The following VPS37A variants were observed in gnomAD, a reference collection of about 807,000 sequenced individuals.
VPS37A encodes VPS37A subunit of ESCRT-I, also known as vacuolar protein sorting-associated protein 37A.
Under a neutral mutation model 49.8 loss-of-function variants are expected in VPS37A, and 30 were observed. The ratio of observed to expected loss-of-function variants is 0.60; its 90% CI spans 0.45 to 0.82. The LOEUF is 0.82. VPS37A is among the 40% of genes least tolerant of loss of function. The pLI is 0.00. For missense variants in VPS37A, 593 were observed against 464.4 expected, an observed-to-expected ratio of 1.28 and a Z score of -2.55; for synonymous variants, 195 against 160.6, an observed-to-expected ratio of 1.21 and a Z score of -1.62.
chr8:17,330,339 G>A, the VPS37A span, among the ~76,000 whole-genome samples: 3 of 152,188 alleles, frequency 2.0e-5, no homozygotes, highest in African/African-American at 4.8e-5. Flanking sequence ...GCTTTCCCCA[G>A]AAGCGCAGAC....
rs149798415 is a variant in VPS37A at position 17,255,598 on chromosome 8, G to T, written c.125+8229G>T. ...AAGCTTCAGAAATAGTGCCTCTGTTGCATTTTTAAATCTTTTAAAATTGAT... is the reference window on the plus strand; with the variant it reads ...AAGCTTCAGAAATAGTGCCTCTGTTTCATTTTTAAATCTTTTAAAATTGAT... On this transcript the variant is annotated intron_variant, in intron 1 of 11. Transcript: ENST00000324849. 3.5e-3 allele frequency among the ~76,000 whole-genome samples: 538 copies of T among 152,230 alleles called. 3 individuals are homozygous for T. Among genetic ancestry groups the T allele is most frequent in the African/African-American group, 0.012 (516 of 41,536 alleles).
chr8:17,308,998 A>T, the VPS37A span, among the ~76,000 whole-genome samples: 1 of 152,220 alleles, frequency 6.6e-6, no homozygotes, highest in Non-Finnish European at 1.5e-5. Flanking sequence ...TGCAAATGGC[A>T]GGAGGAAGGG....
chr8:17,294,116 T>G (rs1034785431), intron 11 of VPS37A, among the ~76,000 whole-genome samples: 2 of 152,240 alleles, frequency 1.3e-5, no homozygotes, highest in African/African-American at 4.8e-5. Flanking sequence ...AGCCCCTGAC[T>G]GGGGCCTCTG....
the VPS37A span, chr8:17,309,129 G>A: frequency 2.6e-5 from 16 of 607,780 alleles, no homozygotes; most frequent in South Asian, 3.0e-4. Flanking sequence ...ATTTATCTAT[G>A]ATATGACATA....
chr8:17,310,302 G>A, the VPS37A span, among the ~76,000 whole-genome samples: 1 of 152,032 alleles, frequency 6.6e-6, no homozygotes, highest in Non-Finnish European at 1.5e-5. Context: ...CACCCAGCCT[G>A]GATTTTAAAA....
At chr8:17,318,195 T>A in the VPS37A span, among the ~76,000 whole-genome samples, 3 of 152,102 alleles carry the variant, frequency 2.0e-5, no homozygotes, top group Admixed American at 6.6e-5. Flanking sequence ...ATGTTTGGGA[T>A]CCGAACACAC....
rs1586099960 is a variant in VPS37A at position 17,295,341 on chromosome 8, C to T, written c.*355C>T. ...AAATTTGTATTTTTAACTTGAAGTT[C>T]CATTTCTTTATCAAGGATGGTATTT... is the stretch of plus-strand genomic sequence containing the variant. On this transcript the variant is annotated 3_prime_UTR_variant, in exon 12 of 12. Transcript: ENST00000324849. 1 of 152,604 alleles carries T rather than the reference C, an allele frequency of 6.6e-6. No individual in the cohort carries two copies. The highest frequency in any genetic ancestry group is 2.1e-4 in the South Asian group (1 of 4,830). 9.5% of individuals were successfully genotyped at this position (152,604 alleles called of 1,614,324 possible).
downstream of VPS37A, chr8:17,305,966 CAA>C: frequency 6.2e-7 from 1 of 1,605,348 alleles, no homozygotes; most frequent in African/African-American, 1.3e-5. Flanking sequence ...ATCTATAAAA[CAA>C]AGCATTAGAG....
At chr8:17,254,056 T>C (rs1812212876) in intron 1 of VPS37A, among the ~76,000 whole-genome samples, 1 of 152,224 alleles carries the variant, frequency 6.6e-6, no homozygotes, top group South Asian at 2.1e-4. Flanking sequence ...ATCTTGTCTT[T>C]GCTCTTGAGT....
At chr8:17,286,267 T>G in intron 10 of VPS37A, 80 bp from the exon 11 acceptor site, 1 of 1,106,354 alleles carries the variant, frequency 9.0e-7, no homozygotes, top group East Asian at 2.6e-5. Flanking sequence ...AGTTAAAAGC[T>G]TCCTGTCATA....
chr8:17,269,631 A>C (rs1813795096), intron 4 of VPS37A, among the ~76,000 whole-genome samples: 1 of 152,116 alleles, frequency 6.6e-6, no homozygotes, highest in Non-Finnish European at 1.5e-5. Context: ...TCTTCCCTCC[A>C]TTCTGAGTTA....
chr8:17,309,804 C>T, the VPS37A span, among the ~76,000 whole-genome samples: 2 of 152,128 alleles, frequency 1.3e-5, no homozygotes, highest in Non-Finnish European at 2.9e-5. Flanking sequence ...TTACCAACCT[C>T]TTTACAAAAA....
the VPS37A span, among the ~76,000 whole-genome samples, chr8:17,311,023 G>A: frequency 6.6e-6 from 1 of 152,144 alleles, no homozygotes. Context: ...AAAAGGCTGT[G>A]AAATTTTCAG....
chr8:17,251,478 A>C (rs1811967066), intron 1 of VPS37A, among the ~76,000 whole-genome samples: 1 of 152,204 alleles, frequency 6.6e-6, no homozygotes. Flanking sequence ...CCTTCTTTCT[A>C]CTGCATAGAA....
At chr8:17,280,756 C>G (rs1355670757) in intron 9 of VPS37A, among the ~76,000 whole-genome samples, 1 of 151,872 alleles carries the variant, frequency 6.6e-6, no homozygotes, top group African/African-American at 2.4e-5. Flanking sequence ...AAACTTTCGA[C>G]TCACTTGTAA....
intron 11 of VPS37A, among the ~76,000 whole-genome samples, chr8:17,291,170 A>T (rs922887247): frequency 3.3e-5 from 5 of 151,914 alleles, no homozygotes; most frequent in Admixed American, 6.6e-5. Flanking sequence ...GTGCCATCAC[A>T]CCTGGCTAAT....
downstream of VPS37A, among the ~76,000 whole-genome samples, chr8:17,304,805 T>C (rs148414508): frequency 1.2e-4 from 17 of 146,362 alleles, no homozygotes; most frequent in East Asian, 3.5e-3. Flanking sequence ...TTCCCCCAAA[T>C]AGTCATTGGA....
At chr8:17,276,825 G>C (rs1814561253) in intron 6 of VPS37A, among the ~76,000 whole-genome samples, 1 of 151,970 alleles carries the variant, frequency 6.6e-6, no homozygotes, top group Non-Finnish European at 1.5e-5. Flanking sequence ...TGTTCCCTTA[G>C]TAGATAAACT....
At chr8:17,275,234 G>A (rs978553022) in intron 5 of VPS37A, among the ~76,000 whole-genome samples, 7 of 152,240 alleles carry the variant, frequency 4.6e-5, no homozygotes, top group African/African-American at 1.7e-4. Context: ...CTAGTAGATC[G>A]CCTTTACAAA....
Sources: gnomAD v4.1 joint callset for allele counts (sites outside exome capture counted in the v4.1 genomes callset) on GRCh38, gnomAD v4.1.1 for gene constraint, MANE v1.5 for transcripts, NCBI Gene and HGNC (gene_info 2026-07-23, HGNC 2026-07-21) for gene names.